MYLK: variants seen among roughly 807,000 people sequenced by gnomAD.
MYLK encodes myosin light chain kinase, smooth muscle.
In MYLK, 106 loss-of-function variants were observed where a neutral mutation model predicts 203.4. That is an observed-to-expected ratio of 0.52 (90% CI 0.45 to 0.61). MYLK has a LOEUF of 0.61. MYLK is among the 20% of genes least tolerant of loss of function. The probability of loss-of-function intolerance (pLI) is 0.00; values close to 1 mark genes in which losing one functional copy is unlikely to be tolerated. For synonymous variants in MYLK, 867 were observed against 959.5 expected (o/e 0.90, Z 1.78); for missense variants, 2,072 against 2,442.3 (o/e 0.85, Z 3.20).
At chr3:123,699,867 G>T (rs1017821683) in intron 18 of MYLK, among the ~76,000 whole-genome samples, 153 bp downstream of exon 18, 1 of 152,102 alleles carries the variant, frequency 6.6e-6, no homozygotes, top group Non-Finnish European at 1.5e-5. Flanking sequence ...ACAGGGACGC[G>T]GCCCTCCTAC....
intron 4 of MYLK, among the ~76,000 whole-genome samples, chr3:123,784,130 G>C (rs1014087006): frequency 9.9e-5 from 15 of 152,186 alleles, no homozygotes; most frequent in Non-Finnish European, 1.9e-4. Flanking sequence ...CTTAGTGTTG[G>C]GAGATGCCTT....
At chr3:123,638,964 C>T (rs2058739556) in intron 28 of MYLK, 2 of 985,444 alleles carry the variant, frequency 2.0e-6, no homozygotes, top group Non-Finnish European at 2.4e-6. Flanking sequence ...TTTAACAGCC[C>T]TCAGATGTGA....
intron 27 of MYLK, chr3:123,646,985 T>C: frequency 3.4e-6 from 2 of 581,128 alleles, no homozygotes; most frequent in Non-Finnish European, 6.1e-6. Context: ...TGGTTTGTTT[T>C]GGAAATAAGC....
Position 123,856,137 on chromosome 3 carries a change from A to C in MYLK, c.-127+20422T>G, listed in dbSNP as rs1920233. On this transcript the variant is annotated intron_variant, in intron 2 of 33. Transcript: ENST00000360304. ...TCCTTACTCAGTTACTGGAAATATA[A>C]AGGGACAACACCTAGTTTGGAATCA... Among the ~76,000 whole-genome samples, 997 of 152,298 alleles carry C rather than the reference A, an allele frequency of 6.5e-3. 9 individuals carry two copies. The highest frequency in any genetic ancestry group is 0.02 in the African/African-American group (841 of 41,572).
chr3:123,636,545 G>C (rs1292693958), intron 29 of MYLK, among the ~76,000 whole-genome samples: 1 of 152,256 alleles, frequency 6.6e-6, no homozygotes, highest in Non-Finnish European at 1.5e-5. Flanking sequence ...GCTGACCAAG[G>C]ACTGCTTCTC....
intron 3 of MYLK, among the ~76,000 whole-genome samples, chr3:123,794,062 C>T (rs1356542865): frequency 6.6e-6 from 1 of 152,252 alleles, no homozygotes; most frequent in African/African-American, 2.4e-5. Flanking sequence ...CAGACAAACA[C>T]TCCGGTTCCC....
chr3:123,837,887 G>A (rs990839257), intron 2 of MYLK, among the ~76,000 whole-genome samples: 1 of 151,900 alleles, frequency 6.6e-6, no homozygotes, highest in African/African-American at 2.4e-5. Flanking sequence ...AAATAAAAGA[G>A]TAGGGGGAAA....
At chr3:123,709,609 A>G in intron 14 of MYLK, 147 bp downstream of exon 14, 1 of 990,076 alleles carries the variant, frequency 1.0e-6, no homozygotes, top group Non-Finnish European at 1.6e-6. Context: ...AGAGGACAAG[A>G]GTCTCCATTT....
At chr3:123,690,254 G>C (rs2060610361) in intron 19 of MYLK, among the ~76,000 whole-genome samples, 1 of 152,236 alleles carries the variant, frequency 6.6e-6, no homozygotes, top group Non-Finnish European at 1.5e-5. Context: ...CCACACAATG[G>C]CTGGGCTTGA....
intron 3 of MYLK, among the ~76,000 whole-genome samples, chr3:123,810,185 TC>T (rs1370042694): frequency 6.6e-6 from 1 of 152,120 alleles, no homozygotes; most frequent in Non-Finnish European, 1.5e-5. Context: ...AACTACCTCC[TC>T]CCAATACAAT....
At chr3:123,729,074 A>G (rs778713520) in intron 11 of MYLK, among the ~76,000 whole-genome samples, 3 of 152,162 alleles carry the variant, frequency 2.0e-5, no homozygotes, top group Middle Eastern at 3.2e-3. Flanking sequence ...GAGGAGCCCA[A>G]ATGGTTGTGC....
intron 4 of MYLK, among the ~76,000 whole-genome samples, chr3:123,764,708 A>G (rs1215114704): frequency 6.6e-6 from 1 of 152,204 alleles, no homozygotes; most frequent in Non-Finnish European, 1.5e-5. Context: ...TTGGGTGTAC[A>G]GGAGGAGAGG....
rs760585986 is a variant in MYLK, at chr3:123,614,782, G to A, written c.5501-433C>T. Reference sequence around the variant, plus strand: ...AGTGAGACTATAGGCATGAGCGACCGTGCTCAGTTAAACATCACACCTTTC... The same window carrying A: ...AGTGAGACTATAGGCATGAGCGACCATGCTCAGTTAAACATCACACCTTTC... On this transcript the variant is annotated intron_variant, in intron 33 of 33. Coordinates refer to ENST00000360304, the MANE Select transcript of MYLK (RefSeq NM_053025.4). Among the ~76,000 whole-genome samples the A allele has an allele frequency of 4.9e-4, 74 of 150,694 alleles. 1 individual carries two copies. The highest frequency in any genetic ancestry group is 3.4e-4 in the Non-Finnish European group (23 of 67,722).
At chr3:123,790,488 C>T (rs1026827897) in intron 4 of MYLK, among the ~76,000 whole-genome samples, 8 of 152,178 alleles carry the variant, frequency 5.3e-5, no homozygotes, top group African/African-American at 1.9e-4. Flanking sequence ...ATGAGCATCT[C>T]GTCGTTTGGA....
chr3:123,837,757 T>C (rs1010859809), intron 2 of MYLK, among the ~76,000 whole-genome samples: 2 of 151,906 alleles, frequency 1.3e-5, no homozygotes, highest in Non-Finnish European at 2.9e-5. Context: ...GTCTACTTTC[T>C]GTTTCTATGG....
chr3:123,667,330 G>A (rs905559828), intron 20 of MYLK, 143 bp from the exon 21 acceptor site: 9 of 837,426 alleles, frequency 1.1e-5, no homozygotes, highest in South Asian at 2.9e-5. Context: ...GGCTGAGCAC[G>A]GTGGCTCACA....
At chr3:123,636,121 G>A (rs1188358721) in intron 29 of MYLK, among the ~76,000 whole-genome samples, 2 of 152,178 alleles carry the variant, frequency 1.3e-5, no homozygotes, top group African/African-American at 4.8e-5. Flanking sequence ...GGTTACACAG[G>A]TGAAAACTTA....
intron 3 of MYLK, chr3:123,831,339 T>A (rs2066319923): frequency 7.8e-7 from 1 of 1,280,148 alleles, no homozygotes; most frequent in Non-Finnish European, 1.0e-6. Flanking sequence ...TCAAGAATTC[T>A]GACCAGCTAA....
chr3:123,758,003 C>T (rs543429448), intron 4 of MYLK, among the ~76,000 whole-genome samples: 15 of 151,962 alleles, frequency 9.9e-5, no homozygotes, highest in African/African-American at 3.4e-4. Flanking sequence ...CTTCTTCTGC[C>T]CCATCTCCAA....
Sources: allele counts gnomAD v4.1 joint callset (sites outside exome capture counted in the v4.1 genomes callset), GRCh38; gene constraint gnomAD v4.1.1; transcripts MANE v1.5; gene names NCBI Gene and HGNC (gene_info 2026-07-23, HGNC 2026-07-21).